Variants in SUGP2 observed in about 807,000 individuals in gnomAD.
The protein encoded by SUGP2 is SURP and G-patch domain containing 2.
Under a neutral mutation model 90.5 loss-of-function variants are expected in SUGP2, and 24 were observed. The observed-to-expected ratio is 0.27, with a 90% confidence interval of 0.19 to 0.37. The LOEUF is 0.37. Ranked by LOEUF, SUGP2 falls within the 10% of genes least tolerant of loss-of-function variation. The pLI, the probability that SUGP2 is intolerant of heterozygous loss-of-function variation, is 1.00. For synonymous variants in SUGP2, 473 were observed against 513.4 expected (o/e 0.92, Z 1.06); for missense variants, 1,233 against 1,363.3 (o/e 0.90, Z 1.51).
chr19:19,021,004 A>G (rs1269608568), intron 3 of SUGP2, among the ~76,000 whole-genome samples: 1 of 151,916 alleles, frequency 6.6e-6, no homozygotes, highest in East Asian at 1.9e-4. Context: ...TACTAAAAAT[A>G]TAAAATTAGC....
Position 19,010,281 on chromosome 19 carries a change from G to C in SUGP2, c.1912C>G (p.Gln638Glu), listed in dbSNP as rs1329948806. The part of the protein sequence containing the change: ...KYYKLKLAEM[Q>E]RMSENLRGAD... ...CCTCGCAAGTTCTCGCTCATCCGCT[G>C]CATTTCTGCCAACTTCAGCTTGTAA... Residue 638 changes from glutamine to glutamate, a missense_variant, in exon 5 of 11, where the codon CAG (glutamine) becomes GAG (glutamate). Transcript: ENST00000452918. 1.2e-6 allele frequency: 2 copies of C among 1,613,958 alleles called. No homozygotes were observed. The highest frequency in any genetic ancestry group is 1.1e-5 in the South Asian group (1 of 91,090).
intron 5 of SUGP2, 21 bp from the exon 6 acceptor site, chr19:19,008,449 G>C: frequency 6.3e-7 from 1 of 1,590,860 alleles, no homozygotes; most frequent in Non-Finnish European, 8.6e-7. Flanking sequence ...TAAAGCACCT[G>C]TCAGGCATGA....
At chr19:19,029,521 C>A (rs2145752661) in intron 2 of SUGP2, among the ~76,000 whole-genome samples, 1 of 151,550 alleles carries the variant, frequency 6.6e-6, no homozygotes, top group South Asian at 2.1e-4. Flanking sequence ...TCACTGCAGG[C>A]TCCACCTCCC....
chr19:19,005,901 C>CAT (rs2058060112), intron 6 of SUGP2, among the ~76,000 whole-genome samples: 1 of 146,552 alleles, frequency 6.8e-6, no homozygotes, highest in Non-Finnish European at 1.5e-5. Context: ...ACCACACACA[C>CAT]ACACCACACA....
At position 18,994,442 on chromosome 19, in the gene SUGP2, T is replaced by C. The variant is rs2057490268; in HGVS notation, c.3173A>G (p.Glu1058Gly). ...EGEGLGADGQ[E>G]HKEDTFDVFR... Reference sequence around the variant, plus strand: ...CACATCGAATGTGTCTTCTTTGTGCTCCTGCCCGTCAGCACCCAACCCTTC... The same window carrying C: ...CACATCGAATGTGTCTTCTTTGTGCCCCTGCCCGTCAGCACCCAACCCTTC... The change falls in exon 10 of 11, where the codon GAG becomes GGG. Residue 1058 changes from glutamate to glycine, a missense_variant. By Grantham distance (98) the Glu-to-Gly change is moderately conservative. Around this residue, in one of 8 missense-constraint regions of SUGP2, gnomAD observed 53 missense variants for 55.3 expected, o/e 0.96. Transcript: ENST00000452918. 6.2e-7 allele frequency: 1 copy of C among 1,614,190 alleles called. No individual in the cohort carries two copies.
Position 18,995,147 on chromosome 19 carries a change from C to A in SUGP2, c.3125G>T (p.Ser1042Ile). 5 of 1,612,850 alleles carry A rather than the reference C, an allele frequency of 3.1e-6. No individual in the cohort carries two copies. The highest frequency in any genetic ancestry group is 4.2e-6 in the Non-Finnish European group (5 of 1,179,894). ...SLGKGIREPV[S>I]VGTPSEGEGL... ...CCCCAGGCTGCCTGCTGCGTACACG[C>A]TGACCGGCTCCCTGATGCCCTTTCC... Residue 1042 changes from serine to isoleucine, a missense_variant, in exon 9 of 11, where the codon AGC (serine) becomes ATC (isoleucine). Ser to Ile is a moderately radical substitution (Grantham distance 142, BLOSUM62 -2). Coordinates refer to ENST00000452918, the MANE Select transcript of SUGP2 (RefSeq NM_001017392.5).
chr19:19,033,288 A>C, intron 1 of SUGP2, 149 bp downstream of exon 1: 1 of 934,010 alleles, frequency 1.1e-6, no homozygotes, highest in Non-Finnish European at 1.3e-6. Flanking sequence ...CCGGCCACCC[A>C]GGCCAACCCG....
At position 19,033,490 on chromosome 19, in the gene SUGP2, C is replaced by A; in HGVS notation, c.-65G>T. ...CCGCCGCCGCCTCAGGCTCCTCACC[C>A]GCCGCCGCCGCCGCGCGAGGCGGGG... On this transcript the variant is annotated 5_prime_UTR_variant, in exon 1 of 11. Transcript: ENST00000452918. 4 of 1,208,136 alleles carry A rather than the reference C, an allele frequency of 3.3e-6. No individual in the cohort carries two copies. Among genetic ancestry groups the A allele is most frequent in the South Asian group, 1.9e-5 (1 of 52,150 alleles). 74.8% of individuals were successfully genotyped at this position (1,208,136 alleles called of 1,614,324 possible). A position where few individuals can be genotyped will look rare whatever the true frequency, so the allele number is the denominator to read the frequency against.
chr19:19,016,784 T>A (rs1200680779), intron 4 of SUGP2, among the ~76,000 whole-genome samples: 2 of 152,182 alleles, frequency 1.3e-5, no homozygotes, highest in African/African-American at 4.8e-5. Context: ...ATCAGTAATG[T>A]GCTTAGAACA....
chr19:19,032,867 C>T (rs1170901479), intron 1 of SUGP2, among the ~76,000 whole-genome samples: 4 of 152,152 alleles, frequency 2.6e-5, no homozygotes, highest in South Asian at 2.1e-4. Context: ...AAGAGACAAC[C>T]CGTAGGGTCC....
At chr19:19,026,272 C>A (rs769724054) in intron 2 of SUGP2, 46 bp from the exon 3 acceptor site, 2 of 1,460,646 alleles carry the variant, frequency 1.4e-6, no homozygotes, top group Admixed American at 5.4e-5. Flanking sequence ...CCAAAAGATA[C>A]TTTAGACCAG....
At chr19:19,021,320 A>G (rs912091552) in intron 3 of SUGP2, among the ~76,000 whole-genome samples, 3 of 152,160 alleles carry the variant, frequency 2.0e-5, no homozygotes, top group African/African-American at 7.2e-5. Flanking sequence ...AGCTTATTTT[A>G]AACACTAGTG....
chr19:19,011,140 A>T (rs1344368112), intron 4 of SUGP2, among the ~76,000 whole-genome samples: 71 of 129,894 alleles, frequency 5.5e-4, no homozygotes, highest in Admixed American at 5.1e-3. Context: ...CCCTATCTTT[A>T]AAAAAAAAAA....
At chr19:19,019,046 T>G in intron 4 of SUGP2, 63 bp downstream of exon 4, 1 of 1,563,800 alleles carries the variant, frequency 6.4e-7, no homozygotes, top group South Asian at 1.2e-5. Flanking sequence ...ACCATCAGAG[T>G]GACCCAAATT....
chr19:19,015,028 C>T (rs1173414391), intron 4 of SUGP2, among the ~76,000 whole-genome samples: 3 of 151,558 alleles, frequency 2.0e-5, no homozygotes, highest in Non-Finnish European at 4.4e-5. Context: ...GGTGAAATCC[C>T]GTCTCTACTA....
At chr19:19,026,507 C>T (rs1282831191) in intron 2 of SUGP2, among the ~76,000 whole-genome samples, 8 of 152,172 alleles carry the variant, frequency 5.3e-5, no homozygotes, top group Admixed American at 6.5e-5. Context: ...AGCAGCCTGA[C>T]GGGCAAGACA....
At chr19:19,007,745 T>G (rs144245911) in intron 6 of SUGP2, among the ~76,000 whole-genome samples, 1 of 144,530 alleles carries the variant, frequency 6.9e-6, no homozygotes, top group African/African-American at 2.6e-5. Context: ...CATGAGCCAT[T>G]GCACCTAGCC....
At chr19:19,016,530 C>T (rs2058507999) in intron 4 of SUGP2, among the ~76,000 whole-genome samples, 1 of 152,140 alleles carries the variant, frequency 6.6e-6, no homozygotes, top group East Asian at 1.9e-4. Context: ...CCTTCTAAGT[C>T]TGGATGCCTT....
At chr19:19,029,539 C>T (rs1438294971) in intron 2 of SUGP2, among the ~76,000 whole-genome samples, 4 of 150,920 alleles carry the variant, frequency 2.7e-5, no homozygotes, top group East Asian at 2.0e-4. Flanking sequence ...CCCGGGTTCA[C>T]GGCATTATCC....
Sources: allele counts gnomAD v4.1 joint callset (sites outside exome capture counted in the v4.1 genomes callset), GRCh38; gene constraint gnomAD v4.1.1; regional missense constraint gnomAD v4.1.1; transcripts MANE v1.5; gene names NCBI Gene and HGNC (gene_info 2026-07-23, HGNC 2026-07-21).